The following LRRC3B variants were observed in gnomAD, a reference collection of about 807,000 sequenced individuals.
LRRC3B encodes the protein leucine-rich repeat-containing protein 3B.
Under a neutral mutation model 12.8 loss-of-function variants are expected in LRRC3B, and 2 were observed. That is an observed-to-expected ratio of 0.16 (90% CI 0.06 to 0.49). The LOEUF is 0.49. LRRC3B is among the 20% of genes least tolerant of loss of function. The pLI is 0.96. For missense variants in LRRC3B, 189 were observed against 319.4 expected (o/e 0.59, Z 3.11); for synonymous variants, 132 against 122.0 (o/e 1.08, Z -0.54).
chr3:26,669,307 T>A (rs1023744803), intron 1 of LRRC3B, among the ~76,000 whole-genome samples: 1 of 152,192 alleles, frequency 6.6e-6, no homozygotes, highest in Non-Finnish European at 1.5e-5. Context: ...GGTGTGTGCT[T>A]CTAGAACAAT....
intron 1 of LRRC3B, among the ~76,000 whole-genome samples, chr3:26,689,331 A>G (rs1700145574): frequency 1.3e-5 from 2 of 152,166 alleles, no homozygotes; most frequent in Admixed American, 1.3e-4. Context: ...CTTGTAGGCC[A>G]GGCTAGCATC....
chr3:26,665,230 A>G (rs1296841440), intron 1 of LRRC3B, among the ~76,000 whole-genome samples: 1 of 152,138 alleles, frequency 6.6e-6, no homozygotes, highest in African/African-American at 2.4e-5. Flanking sequence ...CCCAGAGCAG[A>G]GTTCTGTGGC....
chr3:26,702,238 T>A (rs1700472662), intron 1 of LRRC3B, among the ~76,000 whole-genome samples: 1 of 152,104 alleles, frequency 6.6e-6, no homozygotes, highest in African/African-American at 2.4e-5. Context: ...AAAGGAGAGT[T>A]TGGAGATTGC....
intron 1 of LRRC3B, among the ~76,000 whole-genome samples, chr3:26,697,510 T>A (rs769403232): frequency 1.3e-5 from 2 of 152,208 alleles, no homozygotes; most frequent in Non-Finnish European, 2.9e-5. Flanking sequence ...TTTAATCTCA[T>A]CTGCAAAGAT....
At chr3:26,628,591 T>C (rs1698682495) in intron 1 of LRRC3B, among the ~76,000 whole-genome samples, 1 of 151,968 alleles carries the variant, frequency 6.6e-6, no homozygotes. Context: ...TGATGAACTT[T>C]ATTTGATAAA....
At chr3:26,696,018 A>G (rs1362813789) in intron 1 of LRRC3B, among the ~76,000 whole-genome samples, 1 of 152,260 alleles carries the variant, frequency 6.6e-6, no homozygotes, top group Non-Finnish European at 1.5e-5. Flanking sequence ...GGCTCGTTCA[A>G]TGATGTAGAC....
intron 1 of LRRC3B, chr3:26,625,354 C>G (rs752080465): frequency 6.6e-6 from 1 of 152,254 alleles, no homozygotes; most frequent in Non-Finnish European, 1.5e-5. Context: ...GCAGCTAGCT[C>G]CCTGCCTAGC....
intron 1 of LRRC3B, among the ~76,000 whole-genome samples, chr3:26,632,798 G>T (rs903450328): frequency 6.6e-6 from 1 of 152,106 alleles, no homozygotes; most frequent in African/African-American, 2.4e-5. Context: ...GGCCTCCACA[G>T]TCCTTTGTCA....
intron 1 of LRRC3B, among the ~76,000 whole-genome samples, chr3:26,686,045 C>A (rs898870235): frequency 3.9e-5 from 6 of 152,048 alleles, no homozygotes; most frequent in Non-Finnish European, 8.8e-5. Flanking sequence ...ATAGACTATA[C>A]CCCTTGCTTT....
chr3:26,678,099 G>A (rs1201672197), intron 1 of LRRC3B, among the ~76,000 whole-genome samples: 2 of 152,100 alleles, frequency 1.3e-5, no homozygotes, highest in African/African-American at 4.8e-5. Context: ...TTACAGGTGT[G>A]AGCCACCACG....
chr3:26,649,152 G>C (rs906370000), intron 1 of LRRC3B, among the ~76,000 whole-genome samples: 7 of 152,200 alleles, frequency 4.6e-5, no homozygotes, highest in Non-Finnish European at 1.0e-4. Context: ...GTATAGATCT[G>C]ATACCTAAAG....
chr3:26,630,811 G>A (rs1322251948), intron 1 of LRRC3B, among the ~76,000 whole-genome samples: 3 of 152,160 alleles, frequency 2.0e-5, no homozygotes, highest in African/African-American at 7.2e-5. Flanking sequence ...AAGAACTGCA[G>A]ACAATGGTAA....
At chr3:26,681,866 C>G (rs1415934429) in intron 1 of LRRC3B, among the ~76,000 whole-genome samples, 1 of 152,142 alleles carries the variant, frequency 6.6e-6, no homozygotes, top group Non-Finnish European at 1.5e-5. Flanking sequence ...AAACCCCCAG[C>G]AGATGCCTGA....
intron 1 of LRRC3B, among the ~76,000 whole-genome samples, chr3:26,673,767 C>T (rs1338477949): frequency 6.6e-6 from 1 of 152,184 alleles, no homozygotes; most frequent in African/African-American, 2.4e-5. Flanking sequence ...CAGCCTCCTC[C>T]ACTGAAACAG....
intron 1 of LRRC3B, among the ~76,000 whole-genome samples, chr3:26,706,978 C>G (rs551007254): frequency 2.0e-5 from 3 of 152,170 alleles, no homozygotes; most frequent in Admixed American, 2.0e-4. Flanking sequence ...ATGCGAAGCA[C>G]TATGCTGGGT....
chr3:26,636,934 CT>C (rs1467580653), intron 1 of LRRC3B, among the ~76,000 whole-genome samples: 1 of 103,660 alleles, frequency 9.6e-6, no homozygotes, highest in Admixed American at 1.1e-4. Flanking sequence ...TTCTTTCTTT[CT>C]TTCTTTCTTT....
chr3:26,642,232 C>A (rs1470446206), intron 1 of LRRC3B, among the ~76,000 whole-genome samples: 1 of 152,204 alleles, frequency 6.6e-6, no homozygotes, highest in Admixed American at 6.5e-5. Flanking sequence ...CAAATCACAT[C>A]TTAATCACAT....
chr3:26,678,109 G>GA (rs1699899184), intron 1 of LRRC3B, among the ~76,000 whole-genome samples: 2 of 151,588 alleles, frequency 1.3e-5, no homozygotes, highest in South Asian at 4.3e-4. Flanking sequence ...GAGCCACCAC[G>GA]TCCAACCAAC....
chr3:26,627,115 G>A (rs190764133), intron 1 of LRRC3B, among the ~76,000 whole-genome samples: 185 of 152,226 alleles, frequency 1.2e-3, no homozygotes, highest in South Asian at 2.1e-3. Context: ...CCACTTCCTC[G>A]CCTACCTGGC....
Sources: gnomAD v4.1 joint callset for allele counts (sites outside exome capture counted in the v4.1 genomes callset) on GRCh38, gnomAD v4.1.1 for gene constraint, MANE v1.5 for transcripts, NCBI Gene and HGNC (gene_info 2026-07-23, HGNC 2026-07-21) for gene names.